Variants in SNTG1 observed in about 807,000 individuals in gnomAD.
SNTG1 encodes gamma-1-syntrophin.
Under a neutral mutation model 74.7 loss-of-function variants are expected in SNTG1, and 39 were observed. The ratio of observed to expected loss-of-function variants is 0.52; its 90% confidence interval spans 0.40 to 0.68. The LOEUF (loss-of-function observed/expected upper bound fraction) is 0.68. SNTG1 is among the 30% of genes least tolerant of loss of function. The pLI is 0.00. For synonymous variants in SNTG1, 254 were observed against 217.1 expected (o/e 1.17, Z -1.49); for missense variants, 685 against 609.5 (o/e 1.12, Z -1.30).
chr8:49,995,394 G>T (rs1814109046), intron 1 of SNTG1, among the ~76,000 whole-genome samples: 2 of 152,202 alleles, frequency 1.3e-5, no homozygotes, highest in South Asian at 4.1e-4. Flanking sequence ...TGAGAATAGA[G>T]AAATTGTTCT....
chr8:50,423,007 G>C (rs1479756380), intron 4 of SNTG1, among the ~76,000 whole-genome samples: 2 of 152,130 alleles, frequency 1.3e-5, no homozygotes, highest in Admixed American at 6.6e-5. Flanking sequence ...GGTGGGTTTG[G>C]GGGGGTTAGC....
intron 1 of SNTG1, among the ~76,000 whole-genome samples, chr8:50,101,919 T>C (rs1368836362): frequency 3.9e-5 from 6 of 152,170 alleles, no homozygotes; most frequent in Non-Finnish European, 7.3e-5. Flanking sequence ...TAGTATTCCA[T>C]GGTGTATATG....
At chr8:50,100,134 C>T (rs568204230) in intron 1 of SNTG1, among the ~76,000 whole-genome samples, 1 of 152,050 alleles carries the variant, frequency 6.6e-6, no homozygotes, top group South Asian at 2.1e-4. Context: ...GCTGGGAAGA[C>T]ATTAAAGTAA....
chr8:50,142,949 C>A (rs1419884980), intron 1 of SNTG1, among the ~76,000 whole-genome samples: 1 of 151,974 alleles, frequency 6.6e-6, no homozygotes, highest in African/African-American at 2.4e-5. Flanking sequence ...TGGCGGGCAC[C>A]TGTAGACCCA....
At chr8:50,700,923 A>G (rs713179) in intron 15 of SNTG1, among the ~76,000 whole-genome samples, 31,716 of 152,032 alleles carry the variant, frequency 0.21, 3,423 homozygotes, top group South Asian at 0.31. Context: ...AGAGTTGATT[A>G]GAGGATGCTT....
intron 2 of SNTG1, among the ~76,000 whole-genome samples, chr8:50,250,159 T>G (rs996292252): frequency 2.0e-5 from 3 of 151,192 alleles, no homozygotes; most frequent in Admixed American, 2.0e-4. Flanking sequence ...GCTGAAGAAT[T>G]TAACAAATGA....
chr8:50,784,913 T>C (rs2095670317), intron 18 of SNTG1, among the ~76,000 whole-genome samples: 1 of 151,944 alleles, frequency 6.6e-6, no homozygotes, highest in African/African-American at 2.4e-5. Context: ...AATTGAAACA[T>C]ATGCAAATAT....
intron 2 of SNTG1, among the ~76,000 whole-genome samples, chr8:50,182,286 T>A (rs2131722160): frequency 6.6e-6 from 1 of 152,250 alleles, no homozygotes; most frequent in Admixed American, 6.5e-5. Context: ...ATATGGTGGG[T>A]TCTTTTATTG....
chr8:50,169,032 C>A (rs62516682), intron 1 of SNTG1, among the ~76,000 whole-genome samples: 1 of 151,962 alleles, frequency 6.6e-6, no homozygotes. Context: ...TTAAATAATA[C>A]GCCAGGCAGA....
intron 9 of SNTG1, among the ~76,000 whole-genome samples, chr8:50,527,622 A>G (rs1052086463): frequency 2.0e-5 from 3 of 151,982 alleles, no homozygotes; most frequent in African/African-American, 4.8e-5. Flanking sequence ...AATGAAAATC[A>G]TATTATTTAT....
intron 18 of SNTG1, among the ~76,000 whole-genome samples, chr8:50,761,310 G>T (rs1024720709): frequency 6.6e-6 from 1 of 151,928 alleles, no homozygotes; most frequent in Non-Finnish European, 1.5e-5. Context: ...AATAAAAGGT[G>T]CTGTTACAAA....
chr8:50,672,806 T>C (rs902575982), intron 15 of SNTG1, among the ~76,000 whole-genome samples: 6 of 152,216 alleles, frequency 3.9e-5, no homozygotes, highest in Non-Finnish European at 8.8e-5. Context: ...CTTCTAGGGT[T>C]TTTATGATTT....
chr8:50,486,753 T>G (rs1472395769), intron 8 of SNTG1, among the ~76,000 whole-genome samples: 1 of 151,138 alleles, frequency 6.6e-6, no homozygotes, highest in Non-Finnish European at 1.5e-5. Context: ...ATGCTTCCAG[T>G]TTTTGCCCAT....
chr8:50,512,704 G>A (rs947767950), intron 9 of SNTG1, among the ~76,000 whole-genome samples: 44 of 152,000 alleles, frequency 2.9e-4, no homozygotes, highest in Non-Finnish European at 2.6e-4. Context: ...CCAGTTGATC[G>A]AATTGGCTAC....
At chr8:50,096,092 C>G (rs1348993747) in intron 1 of SNTG1, among the ~76,000 whole-genome samples, 1 of 151,960 alleles carries the variant, frequency 6.6e-6, no homozygotes. Context: ...CATTTTAAAT[C>G]TTTATAATGA....
rs903101115 is a variant in SNTG1 at position 50,503,012 on chromosome 8, A to G, written c.466+132A>G. 375 of 663,844 alleles carry G rather than the reference A, an allele frequency of 5.6e-4. 3 individuals carry two copies. Among genetic ancestry groups the G allele is most frequent in the Non-Finnish European group, 8.2e-5 (32 of 388,728 alleles). The allele number at this position is 663,844 out of a possible 1,614,324, so 41.1% of individuals were successfully genotyped here. On this transcript the variant is annotated intron_variant, in intron 9 of 18. Coordinates refer to ENST00000642720, the MANE Select transcript of SNTG1 (RefSeq NM_018967.5). ...GACTGTAAACATTTTTATATTACAA[A>G]GTGTTCTACTAACCTTTATGAAAAG...
At chr8:50,209,765 G>C (rs1311329482) in intron 2 of SNTG1, among the ~76,000 whole-genome samples, 1 of 152,154 alleles carries the variant, frequency 6.6e-6, no homozygotes, top group Non-Finnish European at 1.5e-5. Context: ...CCACAAAGAT[G>C]GGGAGAAACC....
rs374337009 is a variant in SNTG1, at chr8:50,629,101, AG to A, written c.850-27805del. 7.8e-3 allele frequency among the ~76,000 whole-genome samples: 1,192 copies of A among 152,254 alleles called. 11 individuals carry two copies. The highest frequency in any genetic ancestry group is 0.026 in the African/African-American group (1,090 of 41,568). On this transcript the variant is annotated intron_variant, in intron 13 of 18. Coordinates refer to ENST00000642720, the MANE Select transcript of SNTG1 (RefSeq NM_018967.5). ...GCAGAAATGGTGAGATGTTGATCAA[AG>A]GGTATAAGCTTTCAGTTGTAAGATA...
chr8:49,995,029 G>A (rs1297489655), intron 1 of SNTG1, among the ~76,000 whole-genome samples: 1 of 152,128 alleles, frequency 6.6e-6, no homozygotes, highest in African/African-American at 2.4e-5. Context: ...ATGGTAAGAT[G>A]ATGTGAACTT....
Sources: gnomAD v4.1 joint callset for allele counts (sites outside exome capture counted in the v4.1 genomes callset) on GRCh38, gnomAD v4.1.1 for gene constraint, MANE v1.5 for transcripts, NCBI Gene and HGNC (gene_info 2026-07-23, HGNC 2026-07-21) for gene names.